The following DPYD variants were observed in gnomAD, a reference collection of about 807,000 sequenced individuals.
DPYD encodes the protein dihydropyrimidine dehydrogenase [NADP(+)].
A neutral mutation model predicts 116.2 loss-of-function variants in DPYD; 109 were observed. The observed-to-expected ratio is 0.94, with a 90% CI of 0.80 to 1.10. DPYD has a LOEUF of 1.10. Ranked by LOEUF, DPYD falls within the 50% of genes least tolerant of loss-of-function variation. The probability of loss-of-function intolerance (pLI) is 0.00; values close to 1 mark genes in which losing one functional copy is unlikely to be tolerated. For synonymous variants in DPYD, 440 were observed against 432.0 expected (o/e 1.02, Z -0.23); for missense variants, 1,302 against 1,254.5 (o/e 1.04, Z -0.57).
At chr1:97,547,144 G>A (rs1436234753) in intron 12 of DPYD, among the ~76,000 whole-genome samples, 1 of 152,106 alleles carries the variant, frequency 6.6e-6, no homozygotes, top group African/African-American at 2.4e-5. Context: ...CCTGAAAAAT[G>A]TTAAGGCTTA....
chr1:97,668,079 T>C (rs894406003), intron 8 of DPYD, among the ~76,000 whole-genome samples: 13 of 152,168 alleles, frequency 8.5e-5, no homozygotes, highest in African/African-American at 3.1e-4. Flanking sequence ...TGTGGATGAA[T>C]AGTGCTGATG....
chr1:97,553,766 C>G (rs1157071887), intron 11 of DPYD, among the ~76,000 whole-genome samples: 1 of 151,896 alleles, frequency 6.6e-6, no homozygotes, highest in Non-Finnish European at 1.5e-5. Context: ...TGGCATATGT[C>G]CCAGGAGCTC....
intron 11 of DPYD, among the ~76,000 whole-genome samples, chr1:97,563,039 G>A (rs1415443272): frequency 6.6e-6 from 1 of 152,076 alleles, no homozygotes; most frequent in Non-Finnish European, 1.5e-5. Context: ...TTTAACCAGA[G>A]TATTTTAGAT....
At chr1:97,905,487 C>A (rs1257668865) in intron 1 of DPYD, among the ~76,000 whole-genome samples, 2 of 152,040 alleles carry the variant, frequency 1.3e-5, no homozygotes, top group Non-Finnish European at 2.9e-5. Context: ...AATCCCAAAA[C>A]CAATTCCAGT....
intron 20 of DPYD, among the ~76,000 whole-genome samples, chr1:97,165,311 A>C (rs549693700): frequency 6.6e-6 from 1 of 152,314 alleles, no homozygotes; most frequent in African/African-American, 2.4e-5. Flanking sequence ...CAAAGCTGAC[A>C]AAAACAAGCA....
chr1:97,828,055 T>C, intron 3 of DPYD, 59 bp downstream of exon 3: 2 of 1,509,752 alleles, frequency 1.3e-6, no homozygotes, highest in Non-Finnish European at 1.8e-6. Flanking sequence ...CCCCAAATAA[T>C]GAAGAATGAC....
intron 19 of DPYD, among the ~76,000 whole-genome samples, chr1:97,194,128 AC>A (rs145032406): frequency 0.074 from 11,323 of 152,192 alleles, 606 homozygotes; most frequent in South Asian, 0.22. Flanking sequence ...TCTGCTCTCC[AC>A]AAATATAAGA....
intron 3 of DPYD, among the ~76,000 whole-genome samples, chr1:97,770,815 T>C (rs773059191): frequency 3.9e-5 from 6 of 152,176 alleles, no homozygotes; most frequent in Admixed American, 2.0e-4. Flanking sequence ...ATATATCTTA[T>C]TATAATCTTA....
intron 20 of DPYD, among the ~76,000 whole-genome samples, chr1:97,111,625 T>C (rs1210507544): frequency 6.6e-6 from 1 of 152,082 alleles, no homozygotes; most frequent in Non-Finnish European, 1.5e-5. Flanking sequence ...AATCACACTC[T>C]TCACATCTCC....
At chr1:97,348,512 TC>T (rs1385191962) in intron 16 of DPYD, among the ~76,000 whole-genome samples, 3 of 152,174 alleles carry the variant, frequency 2.0e-5, no homozygotes, top group Non-Finnish European at 4.4e-5. Context: ...ACAATGAAGT[TC>T]TTGCAAAACA....
chr1:97,619,706 A>G (rs1245346785), intron 8 of DPYD, among the ~76,000 whole-genome samples: 1 of 152,176 alleles, frequency 6.6e-6, no homozygotes, highest in Admixed American at 6.5e-5. Context: ...TGCTCTTGGT[A>G]TCTTTTGTGA....
chr1:97,373,028 G>T (rs1197360406), intron 16 of DPYD, among the ~76,000 whole-genome samples: 1 of 152,068 alleles, frequency 6.6e-6, no homozygotes, highest in African/African-American at 2.4e-5. Context: ...TTGTTCATTA[G>T]GCTTTTGAAA....
intron 10 of DPYD, among the ~76,000 whole-genome samples, chr1:97,575,532 A>C (rs1199058434): frequency 6.6e-6 from 1 of 152,198 alleles, no homozygotes; most frequent in Non-Finnish European, 1.5e-5. Context: ...GGATATTTTT[A>C]ATATTGTCAT....
At chr1:97,769,701 G>A (rs967586694) in intron 3 of DPYD, among the ~76,000 whole-genome samples, 1 of 152,094 alleles carries the variant, frequency 6.6e-6, no homozygotes, top group Non-Finnish European at 1.5e-5. Flanking sequence ...TATTCTACCT[G>A]TGAAAACAGC....
chr1:97,809,531 G>T (rs772513339), intron 3 of DPYD, among the ~76,000 whole-genome samples: 1 of 152,112 alleles, frequency 6.6e-6, no homozygotes, highest in African/African-American at 2.4e-5. Flanking sequence ...AATAGTTTCC[G>T]ATTGACTGAG....
chr1:97,479,900 T>C (rs929762674), intron 13 of DPYD, among the ~76,000 whole-genome samples: 5 of 152,232 alleles, frequency 3.3e-5, no homozygotes, highest in Non-Finnish European at 7.3e-5. Flanking sequence ...ATGTGTCCAA[T>C]TTAAAACTTG....
intron 4 of DPYD, among the ~76,000 whole-genome samples, chr1:97,727,310 T>C (rs1312489456): frequency 6.6e-6 from 1 of 151,768 alleles, no homozygotes; most frequent in African/African-American, 2.4e-5. Flanking sequence ...TAGGGTTTGG[T>C]GTAATGACTT....
chr1:97,246,589 TA>T (rs1662733502), intron 18 of DPYD, among the ~76,000 whole-genome samples: 1 of 152,126 alleles, frequency 6.6e-6, no homozygotes, highest in African/African-American at 2.4e-5. Context: ...ATCATATTTA[TA>T]AAACACGTTA....
intron 18 of DPYD, among the ~76,000 whole-genome samples, chr1:97,258,108 G>A (rs1430383028): frequency 2.6e-5 from 4 of 152,028 alleles, no homozygotes. Context: ...CTAGAGTAAA[G>A]ATGGATTAGG....
Sources: gnomAD v4.1 joint callset for allele counts (sites outside exome capture counted in the v4.1 genomes callset) on GRCh38, gnomAD v4.1.1 for gene constraint, MANE v1.5 for transcripts, NCBI Gene and HGNC (gene_info 2026-07-23, HGNC 2026-07-21) for gene names.